CHM: variants seen among roughly 807,000 people sequenced by gnomAD.
The protein encoded by CHM is CHM Rab escort protein.
In CHM, 10 loss-of-function variants were observed where a neutral mutation model predicts 49.0. That is an observed-to-expected ratio of 0.20 (90% CI 0.13 to 0.35). CHM has a LOEUF of 0.35. Ranked by LOEUF, CHM falls within the 10% of genes least tolerant of loss-of-function variation. The probability of loss-of-function intolerance (pLI) is 1.00; values close to 1 mark genes in which losing one functional copy is unlikely to be tolerated. For synonymous variants in CHM, 184 were observed against 167.5 expected (o/e 1.10, Z -0.76); for missense variants, 455 against 478.4 (o/e 0.95, Z 0.46).
At chrX:85,881,793 T>C (rs1253969292) in intron 12 of CHM, among the ~76,000 whole-genome samples, 1 of 111,867 alleles carries the variant, frequency 8.9e-6, no homozygotes, top group African/African-American at 3.2e-5. Context: ...CTCTCCTACT[T>C]CATTCAGTGA....
chrX:85,963,875 C>G lies in CHM; in HGVS notation c.492G>C (p.Glu164Asp). 8.3e-7 allele frequency: 1 copy of G among 1,210,597 alleles called. No homozygotes were observed. The highest frequency in any genetic ancestry group is 1.1e-6 in the Non-Finnish European group (1 of 895,048). The part of the protein sequence containing the change: ...LTEQTPSSDP[E>D]NALEVNGAEV... ...CAGCACCATTTACTTCTAGCGCATT[C>G]TCTGGATCGCTGCTTGGAGTTTGTT... is the stretch of plus-strand genomic sequence containing the variant. Residue 164 changes from glutamate (E) to aspartate (D), a missense_variant, in exon 5 of 15, where the codon GAG (glutamate) becomes GAC (aspartate). Physicochemically the swap from Glu to Asp is conservative, Grantham distance 45. Transcript: ENST00000357749.
chrX:86,001,096 C>T (rs887452983), intron 2 of CHM, among the ~76,000 whole-genome samples: 11 of 111,033 alleles, frequency 9.9e-5, no homozygotes, highest in Non-Finnish European at 1.5e-4. Flanking sequence ...ATCACGTATA[C>T]CCCAAAAATA....
intron 2 of CHM, among the ~76,000 whole-genome samples, chrX:85,992,687 CAG>C (rs769863136): frequency 4.6e-4 from 51 of 111,948 alleles, no homozygotes; most frequent in Non-Finnish European, 8.8e-4. Context: ...ATTCTAATGT[CAG>C]AGAGGAAGAC....
chrX:85,993,755 G>A (rs1194398439), intron 2 of CHM, among the ~76,000 whole-genome samples: 1 of 111,711 alleles, frequency 9.0e-6, no homozygotes, highest in Non-Finnish European at 1.9e-5. Flanking sequence ...AGTGAGCCAA[G>A]GGCCTGCATA....
At chrX:85,913,040 G>T (rs1382896126) in intron 8 of CHM, among the ~76,000 whole-genome samples, 1 of 80,521 alleles carries the variant, frequency 1.2e-5, no homozygotes, top group African/African-American at 4.8e-5. Flanking sequence ...AAAAAAAAAA[G>T]GAAAGAAAGA....
chrX:85,995,360 C>T (rs1314689010), intron 2 of CHM, among the ~76,000 whole-genome samples: 2 of 107,763 alleles, frequency 1.9e-5, no homozygotes, highest in Non-Finnish European at 3.8e-5. Context: ...AGGTAACTCG[C>T]TGGACCCTCA....
At chrX:85,895,654 G>A (rs1390649407) in intron 11 of CHM, among the ~76,000 whole-genome samples, 1 of 111,744 alleles carries the variant, frequency 8.9e-6, no homozygotes, top group Non-Finnish European at 1.9e-5. Flanking sequence ...ATTTTACATA[G>A]AAATTATTTT....
intron 8 of CHM, among the ~76,000 whole-genome samples, chrX:85,933,296 T>G (rs1199036285): frequency 8.9e-6 from 1 of 112,424 alleles, no homozygotes; most frequent in Non-Finnish European, 1.9e-5. Flanking sequence ...TGGAAATTAT[T>G]TTAACTAACA....
At chrX:86,020,686 ACATC>A (rs1366798974) in intron 2 of CHM, among the ~76,000 whole-genome samples, 2 of 100,131 alleles carry the variant, frequency 2.0e-5, no homozygotes, top group Non-Finnish European at 2.1e-5. Context: ...TCCGATATAT[ACATC>A]TGATATATAC....
At chrX:85,917,255 G>A (rs762785463) in intron 8 of CHM, among the ~76,000 whole-genome samples, 126 of 110,772 alleles carry the variant, frequency 1.1e-3, no homozygotes, top group Non-Finnish European at 2.1e-3. Context: ...AGAATATGTG[G>A]TCATATAGAG....
At chrX:86,031,245 G>C (rs1231984180) in intron 1 of CHM, among the ~76,000 whole-genome samples, 1 of 111,643 alleles carries the variant, frequency 9.0e-6, no homozygotes, top group Non-Finnish European at 1.9e-5. Flanking sequence ...TTTCTAAAGA[G>C]CTGCTCTACA....
chrX:85,911,159 A>G lies in CHM; in HGVS notation c.1244+102T>C, dbSNP rs868627450. 8.5e-4 allele frequency: 26 copies of G among 30,766 alleles called. 2 individuals are homozygous for G. Among genetic ancestry groups the G allele is most frequent in the African/African-American group, 2.6e-3 (12 of 4,696 alleles). 2.5% of individuals were successfully genotyped at this position (30,766 alleles called of 1,213,427 possible). A position where few individuals can be genotyped will look rare whatever the true frequency, so the allele number is the denominator to read the frequency against. The stretch of plus-strand genomic sequence containing the variant: ...TATATATATATATATATATATATAT[A>G]TATGTATATATATATGAATATATAT... On this transcript the variant is annotated intron_variant, in intron 9 of 14. Coordinates refer to ENST00000357749, the MANE Select transcript of CHM (RefSeq NM_000390.4).
chrX:85,943,493 ATTCT>A (rs1418792833), intron 8 of CHM, among the ~76,000 whole-genome samples: 22 of 111,929 alleles, frequency 2.0e-4, no homozygotes, highest in African/African-American at 4.9e-4. Context: ...GTTGAAATAA[ATTCT>A]TTATTTATCT....
chrX:85,932,594 T>G (rs1928501401), intron 8 of CHM, among the ~76,000 whole-genome samples: 1 of 112,191 alleles, frequency 8.9e-6, no homozygotes, highest in African/African-American at 3.2e-5. Flanking sequence ...CGCACTTGAT[T>G]TATCTGTACA....
chrX:85,989,002 T>C (rs1932050718), intron 2 of CHM, among the ~76,000 whole-genome samples: 1 of 111,983 alleles, frequency 8.9e-6, no homozygotes, highest in Non-Finnish European at 1.9e-5. Context: ...AAGACTACTT[T>C]AAAATTTATA....
At chrX:85,930,221 T>C (rs1325412804) in intron 8 of CHM, among the ~76,000 whole-genome samples, 1 of 112,328 alleles carries the variant, frequency 8.9e-6, no homozygotes, top group Non-Finnish European at 1.9e-5. Context: ...CATATGGCTA[T>C]CAAAGAATGT....
intron 2 of CHM, among the ~76,000 whole-genome samples, chrX:86,022,784 T>C (rs1472607977): frequency 9.0e-6 from 1 of 111,242 alleles, no homozygotes; most frequent in Non-Finnish European, 1.9e-5. Context: ...CACCAAGGTA[T>C]GTCACTGGTA....
chrX:86,043,598 C>T (rs1272894515), intron 1 of CHM, among the ~76,000 whole-genome samples: 1 of 110,217 alleles, frequency 9.1e-6, no homozygotes, highest in African/African-American at 3.3e-5. Flanking sequence ...TGTAGAAATA[C>T]AGTTTTGCTG....
chrX:86,015,129 C>G (rs1933238965), intron 2 of CHM, among the ~76,000 whole-genome samples: 1 of 110,429 alleles, frequency 9.1e-6, no homozygotes, highest in African/African-American at 3.3e-5. Flanking sequence ...TGACAGTGTC[C>G]CCACTCAAAT....
Sources: gnomAD v4.1 joint callset for allele counts (sites outside exome capture counted in the v4.1 genomes callset) on GRCh38, gnomAD v4.1.1 for gene constraint, MANE v1.5 for transcripts, NCBI Gene and HGNC (gene_info 2026-07-23, HGNC 2026-07-21) for gene names.